EPHX4: variants seen among roughly 807,000 people sequenced by gnomAD.
The protein encoded by EPHX4 is epoxide hydrolase 4, also known as abhydrolase domain containing 7.
EPHX4 carries 31 observed loss-of-function variants against 44.9 expected under a neutral mutation model. The observed-to-expected ratio is 0.69, with a 90% CI of 0.52 to 0.93. The LOEUF (loss-of-function observed/expected upper bound fraction) is 0.93. Among genes scored for constraint, EPHX4 ranks in the 40% least tolerant of loss-of-function variants. The pLI, the probability that EPHX4 is intolerant of heterozygous loss-of-function variation, is 0.00. For synonymous variants in EPHX4, 151 were observed against 159.7 expected, an observed-to-expected ratio of 0.95 and a Z score of 0.41; for missense variants, 373 against 438.1, an observed-to-expected ratio of 0.85 and a Z score of 1.33.
intron 2 of EPHX4, among the ~76,000 whole-genome samples, chr1:92,034,299 CAA>C (rs765695521): frequency 1.3e-3 from 67 of 52,726 alleles, no homozygotes; most frequent in Non-Finnish European, 1.7e-3. Context: ...GATTCCGTCT[CAA>C]AAAAAAAAAA....
At chr1:92,044,620 G>C (rs1396474313) in intron 3 of EPHX4, among the ~76,000 whole-genome samples, 2 of 152,102 alleles carry the variant, frequency 1.3e-5, no homozygotes, top group Non-Finnish European at 2.9e-5. Flanking sequence ...GTGCAAAATT[G>C]GTGCTATAAT....
chr1:92,041,507 C>A (rs1467488866), intron 2 of EPHX4, among the ~76,000 whole-genome samples: 2 of 152,198 alleles, frequency 1.3e-5, no homozygotes, highest in East Asian at 1.9e-4. Flanking sequence ...TAAATTTTTT[C>A]AATCAGAGAA....
rs550712234 is a variant in EPHX4 at position 92,059,066 on chromosome 1, G to A, written c.858-3989G>A. ...CCACAGCAATGAGGAAGGGAACTTC[G>A]TCTACCAAAAACCTATAGTAAACAT... On this transcript the variant is annotated intron_variant, in intron 6 of 6. Transcript: ENST00000370383. Among the ~76,000 whole-genome samples the A allele has an allele frequency of 1.1e-3, 162 of 152,170 alleles. 1 individual carries two copies. Among genetic ancestry groups the A allele is most frequent in the South Asian group, 2.7e-3 (13 of 4,822 alleles).
chr1:92,043,066 T>G, intron 3 of EPHX4, 86 bp downstream of exon 3: 1 of 1,131,988 alleles, frequency 8.8e-7, no homozygotes, highest in Non-Finnish European at 1.2e-6. Context: ...CTTGGGAGGA[T>G]GCATATTCCA....
intron 6 of EPHX4, among the ~76,000 whole-genome samples, chr1:92,053,021 A>T (rs1447396452): frequency 1.3e-5 from 2 of 152,238 alleles, no homozygotes; most frequent in Non-Finnish European, 2.9e-5. Flanking sequence ...TACTCAGAAC[A>T]TAGTAATAAG....
intron 2 of EPHX4, among the ~76,000 whole-genome samples, chr1:92,036,950 T>G (rs1688446511): frequency 6.6e-6 from 1 of 151,398 alleles, no homozygotes; most frequent in African/African-American, 2.4e-5. Context: ...GAGGTGCTAG[T>G]GGAAACAAAC....
In EPHX4 at chr1:92,030,127, G is replaced by A. The variant is rs1219654217; in HGVS notation, c.48G>A (p.Arg16=). The change falls in exon 1 of 7, where the codon CGG becomes CGA. Residue 16 remains arginine (R), a synonymous_variant. Transcript: ENST00000370383. ...TGCCCCGCCTGATGCTCACGCTCCG[G>A]TCCCTGCTCTTCTGGTCCCTGGTCT... ...DCLPRLMLTL[R]SLLFWSLVYC... is the part of the protein sequence containing the mutation. The A allele has an allele frequency of 6.2e-7, 1 of 1,611,742 alleles. No individual in the cohort carries two copies. The highest frequency in any genetic ancestry group is 1.7e-4 in the Middle Eastern group (1 of 6,054).
At position 92,042,819 on chromosome 1, in the gene EPHX4, G is replaced by A. The variant is rs763841579; in HGVS notation, c.318-4G>A. ...TATTTTAAATGCTTCCTTTTTTCCT[G>A]CAGGTATTCTTGGCGTTACCAACTG... On this transcript the variant is annotated splice_region_variant and splice_polypyrimidine_tract_variant and intron_variant, in intron 2 of 6. Coordinates refer to ENST00000370383, the MANE Select transcript of EPHX4 (RefSeq NM_173567.5). 1 of 1,599,314 alleles carries A rather than the reference G, an allele frequency of 6.3e-7. No individual in the cohort carries two copies. The highest frequency in any genetic ancestry group is 8.5e-7 in the Non-Finnish European group (1 of 1,175,144).
intron 2 of EPHX4, among the ~76,000 whole-genome samples, chr1:92,033,576 T>C (rs975576400): frequency 3.3e-5 from 5 of 152,150 alleles, no homozygotes; most frequent in Non-Finnish European, 7.3e-5. Flanking sequence ...CTATTTCCTA[T>C]GCACAGAGCA....
chr1:92,040,254 T>C (rs1472405086), intron 2 of EPHX4, among the ~76,000 whole-genome samples: 2 of 148,224 alleles, frequency 1.3e-5, no homozygotes, highest in African/African-American at 5.0e-5. Context: ...CAGCTCACTG[T>C]AAACTCTGCC....
intron 2 of EPHX4, among the ~76,000 whole-genome samples, chr1:92,035,861 A>G (rs1410852200): frequency 6.6e-6 from 1 of 152,152 alleles, no homozygotes; most frequent in African/African-American, 2.4e-5. Context: ...TAAGCCCCAT[A>G]GCTACCCTTC....
rs1311257243 is a variant in EPHX4, at chr1:92,058,563, C to A, written c.858-4492C>A. ...TTTAACGCACATTCATGCAACGATT[C>A]TTAGTAATCTAGAAATAGAGGAGAA... On this transcript the variant is annotated intron_variant, in intron 6 of 6. Transcript: ENST00000370383. Among the ~76,000 whole-genome samples the A allele has an allele frequency of 2.0e-5, 3 of 152,050 alleles. No individual in the cohort carries two copies. In the East Asian group the frequency reaches 5.8e-4, roughly 29 times the overall value.
intron 6 of EPHX4, 70 bp from the exon 7 acceptor site, chr1:92,062,985 G>C: frequency 6.8e-6 from 9 of 1,329,780 alleles, no homozygotes; most frequent in Non-Finnish European, 9.6e-6. Flanking sequence ...ATGACCTACT[G>C]GGGCACTATA....
At chr1:92,046,360 C>A (rs1688580977) in intron 4 of EPHX4, among the ~76,000 whole-genome samples, 1 of 152,216 alleles carries the variant, frequency 6.6e-6, no homozygotes, top group African/African-American at 2.4e-5. Flanking sequence ...TCACACAGAT[C>A]TGTAATTGGA....
intron 6 of EPHX4, among the ~76,000 whole-genome samples, chr1:92,054,907 T>C (rs2101874704): frequency 6.6e-6 from 1 of 152,186 alleles, no homozygotes; most frequent in South Asian, 2.1e-4. Context: ...TTACCCAGAA[T>C]GTAGCTTAGA....
rs745392960 is a variant in EPHX4, at chr1:92,063,178, GCTAA to G, written c.985_988del (p.Thr329PhefsTer16). 1.9e-6 allele frequency: 3 copies of G among 1,614,038 alleles called. No homozygotes were observed. The highest frequency in any genetic ancestry group is 1.7e-5 in the Admixed American group (1 of 60,000). ...AGATTTATGTTAAAAACTATTTCAG[GCTAA>G]CTATTTTGTCAGAAGCCAGTCATTG... On this transcript the variant is annotated frameshift_variant, in exon 7 of 7. Transcript: ENST00000370383. LOFTEE classifies it high-confidence loss of function.
chr1:92,062,908 T>G, intron 6 of EPHX4, 147 bp from the exon 7 acceptor site: 1 of 636,360 alleles, frequency 1.6e-6, no homozygotes. Context: ...AGGGTAAGAT[T>G]TTTTTCACCC....
intron 3 of EPHX4, among the ~76,000 whole-genome samples, chr1:92,044,570 G>C (rs10875152): frequency 0.52 from 78,286 of 151,942 alleles, 20,808 homozygotes; most frequent in African/African-American, 0.66. Context: ...ACATTTTAAC[G>C]TACTTTAAAT....
intron 6 of EPHX4, among the ~76,000 whole-genome samples, chr1:92,058,070 C>A (rs1310223097): frequency 6.6e-6 from 1 of 152,068 alleles, no homozygotes; most frequent in African/African-American, 2.4e-5. Context: ...AAACATAGAT[C>A]CACACATTCA....
Sources: gnomAD v4.1 joint callset for allele counts (sites outside exome capture counted in the v4.1 genomes callset) on GRCh38, gnomAD v4.1.1 for gene constraint, MANE v1.5 for transcripts, NCBI Gene and HGNC (gene_info 2026-07-23, HGNC 2026-07-21) for gene names.